The following CDIN1 variants were observed in gnomAD, a reference collection of about 807,000 sequenced individuals.
The protein encoded by CDIN1 is CDAN1 interacting nuclease 1, also known as CDAN1-interacting nuclease 1.
CDIN1 carries 33 observed loss-of-function variants against 45.3 expected under a neutral mutation model. That is an observed-to-expected ratio of 0.73 (90% CI 0.55 to 0.97). The LOEUF (loss-of-function observed/expected upper bound fraction) is 0.97. Among genes scored for constraint, CDIN1 ranks in the 50% least tolerant of loss-of-function variants. The pLI is 0.00. For synonymous variants in CDIN1, 118 were observed against 124.4 expected, an observed-to-expected ratio of 0.95 and a Z score of 0.34; for missense variants, 303 against 339.4, an observed-to-expected ratio of 0.89 and a Z score of 0.84.
chr15:36,623,758 T>C (rs907767709), intron 1 of CDIN1, among the ~76,000 whole-genome samples: 1 of 152,256 alleles, frequency 6.6e-6, no homozygotes, highest in Non-Finnish European at 1.5e-5. Flanking sequence ...TGTTTTTTGT[T>C]GTAACTCAAT....
At chr15:36,788,308 G>A (rs900560166) in intron 10 of CDIN1, among the ~76,000 whole-genome samples, 2 of 151,076 alleles carry the variant, frequency 1.3e-5, no homozygotes, top group Non-Finnish European at 2.9e-5. Flanking sequence ...TAGAGACAGG[G>A]TTTCTACATG....
chr15:36,665,695 C>G (rs1374451867), intron 5 of CDIN1, among the ~76,000 whole-genome samples: 1 of 152,078 alleles, frequency 6.6e-6, no homozygotes, highest in Non-Finnish European at 1.5e-5. Context: ...TTTCCCACCA[C>G]CACTGGAGCT....
At chr15:36,656,441 G>A (rs1455138247) in intron 4 of CDIN1, among the ~76,000 whole-genome samples, 1 of 151,980 alleles carries the variant, frequency 6.6e-6, no homozygotes, top group African/African-American at 2.4e-5. Context: ...GTCTAAAATT[G>A]AACATTTTAG....
chr15:36,620,208 G>A (rs2039110356), intron 1 of CDIN1, among the ~76,000 whole-genome samples: 1 of 152,058 alleles, frequency 6.6e-6, no homozygotes, highest in Non-Finnish European at 1.5e-5. Context: ...AAAATTAGCT[G>A]GGAGTGGTGG....
At chr15:36,747,233 T>G in intron 10 of CDIN1, 2 of 361,048 alleles carry the variant, frequency 5.5e-6, no homozygotes, top group Non-Finnish European at 9.8e-6. Flanking sequence ...AAGTTGATAG[T>G]TCCCGTAACA....
At position 36,614,110 on chromosome 15, in the gene CDIN1, G is replaced by T. The variant is rs566949128; in HGVS notation, c.102-30168G>T. ...AGAGATCGGTAGCCAAGCTGGAAAT[G>T]ACTTGGAAGATAAACTGAAATGCAC... On this transcript the variant is annotated intron_variant, in intron 1 of 10. Coordinates refer to ENST00000566621, the MANE Select transcript of CDIN1 (RefSeq NM_001321759.2). The T allele has an allele frequency of 1.7e-5, 13 of 783,546 alleles. No individual in the cohort carries two copies. The African/African-American group carries it at 1.8e-4, about 11-fold the overall frequency. The allele number at this position is 783,546 out of a possible 1,614,324, so 48.5% of individuals were successfully genotyped here.
At chr15:36,805,673 GATT>G (rs1358913675) in intron 10 of CDIN1, among the ~76,000 whole-genome samples, 1 of 152,088 alleles carries the variant, frequency 6.6e-6, no homozygotes, top group East Asian at 1.9e-4. Flanking sequence ...CCCAGAAATT[GATT>G]ATATAAAGTT....
At chr15:36,733,472 CTT>C (rs2043903783) in intron 10 of CDIN1, among the ~76,000 whole-genome samples, 1 of 152,006 alleles carries the variant, frequency 6.6e-6, no homozygotes, top group South Asian at 2.1e-4. Flanking sequence ...ATTTACTCAA[CTT>C]ATATTAAAGG....
intron 1 of CDIN1, among the ~76,000 whole-genome samples, chr15:36,639,347 T>G (rs2040017222): frequency 7.1e-6 from 1 of 141,140 alleles, no homozygotes; most frequent in African/African-American, 2.7e-5. Flanking sequence ...GGCTCACGCC[T>G]GCAATCCCGG....
intron 1 of CDIN1, 26 bp downstream of exon 1, chr15:36,579,987 C>T: frequency 6.3e-7 from 1 of 1,596,240 alleles, no homozygotes; most frequent in Non-Finnish European, 8.6e-7. Context: ...TCCCCTCTCA[C>T]AGCCCTTTGC....
At chr15:36,771,833 C>T (rs982935303) in intron 10 of CDIN1, among the ~76,000 whole-genome samples, 31 of 150,824 alleles carry the variant, frequency 2.1e-4, no homozygotes, top group African/African-American at 6.8e-4. Flanking sequence ...GAGGCTGAGG[C>T]AGGAGAATTG....
chr15:36,798,239 G>A (rs1324779011), intron 10 of CDIN1, among the ~76,000 whole-genome samples: 1 of 151,996 alleles, frequency 6.6e-6, no homozygotes, highest in Non-Finnish European at 1.5e-5. Context: ...TAACTGCAAG[G>A]CCAGGTTATC....
In CDIN1 at chr15:36,657,834, T is replaced by C. The variant is rs2040841580; in HGVS notation, c.275T>C (p.Val92Ala). 1.2e-6 allele frequency: 2 copies of C among 1,610,324 alleles called. No homozygotes were observed. The highest frequency in any genetic ancestry group is 4.5e-5 in the East Asian group (2 of 44,784). ...ATTTTCTACTTCTGTTTTATAAAGG[T>C]GGACTATGCGCCCTCATTAATGGCT... ...APVLLDLANE[V>A]DYAPSLMARL... is the part of the protein sequence containing the mutation. The change falls in exon 5 of 11, where the codon GTG becomes GCG. Residue 92 changes from valine to alanine, a missense_variant and splice_region_variant. Val to Ala is a moderately conservative substitution (Grantham distance 64, BLOSUM62 0). Coordinates refer to ENST00000566621, the MANE Select transcript of CDIN1 (RefSeq NM_001321759.2).
At position 36,724,730 on chromosome 15, in the gene CDIN1, C is replaced by A. The variant is rs2043558686; in HGVS notation, c.716+14769C>A. ...TAATAAAGTTTAGAGAACTGATTAA[C>A]AATAATTATGACTCATAGCAAATTA... On this transcript the variant is annotated intron_variant, in intron 10 of 10. Coordinates refer to ENST00000566621, the MANE Select transcript of CDIN1 (RefSeq NM_001321759.2). Among the ~76,000 whole-genome samples, 2 of 152,116 alleles carry A rather than the reference C, an allele frequency of 1.3e-5. 1 individual carries two copies. Among genetic ancestry groups the A allele is most frequent in the South Asian group, 4.1e-4 (2 of 4,832 alleles).
At chr15:36,718,670 A>G (rs996096276) in intron 10 of CDIN1, among the ~76,000 whole-genome samples, 1 of 152,058 alleles carries the variant, frequency 6.6e-6, no homozygotes, top group Non-Finnish European at 1.5e-5. Context: ...GAGGAATACA[A>G]TTGATTTTGT....
chr15:36,654,248 G>T (rs2040690889), intron 4 of CDIN1, 90 bp downstream of exon 4: 2 of 1,042,108 alleles, frequency 1.9e-6, no homozygotes, highest in South Asian at 1.5e-5. Context: ...AACTACCTTT[G>T]GAAAAAAAAA....
At chr15:36,609,359 G>A (rs4545771) in intron 1 of CDIN1, among the ~76,000 whole-genome samples, 17,738 of 152,066 alleles carry the variant, frequency 0.12, 1,055 homozygotes, top group Middle Eastern at 0.14. Flanking sequence ...ATTTGATAGG[G>A]GTGATGTTAG....
At chr15:36,660,287 T>C (rs1197893176) in intron 5 of CDIN1, among the ~76,000 whole-genome samples, 1 of 152,194 alleles carries the variant, frequency 6.6e-6, no homozygotes, top group Non-Finnish European at 1.5e-5. Context: ...AATAGAATTC[T>C]ATATAGGGGA....
Position 36,759,504 on chromosome 15 carries a change from C to T in CDIN1, c.717-48820C>T, listed in dbSNP as rs186345007. 2.1e-3 allele frequency among the ~76,000 whole-genome samples: 312 copies of T among 151,784 alleles called. 1 individual carries two copies. The highest frequency in any genetic ancestry group is 7.1e-3 in the African/African-American group (294 of 41,380). ...AGTCTTTTAATTTCTAAAAAAAAAA[C>T]TCATTTAAAATAAATTGTGCTTTTT... On this transcript the variant is annotated intron_variant, in intron 10 of 10. Coordinates refer to ENST00000566621, the MANE Select transcript of CDIN1 (RefSeq NM_001321759.2).
Sources: allele counts gnomAD v4.1 joint callset (sites outside exome capture counted in the v4.1 genomes callset), GRCh38; gene constraint gnomAD v4.1.1; transcripts MANE v1.5; gene names NCBI Gene and HGNC (gene_info 2026-07-23, HGNC 2026-07-21).